Variants in NBAS observed in about 807,000 individuals in gnomAD.
The protein encoded by NBAS is NAG/BC035112 fusion.
A neutral mutation model predicts 302.5 loss-of-function variants in NBAS; 219 were observed. The ratio of observed to expected loss-of-function variants is 0.72; its 90% CI spans 0.65 to 0.81. The LOEUF (loss-of-function observed/expected upper bound fraction) is 0.81. Among genes scored for constraint, NBAS ranks in the 30% least tolerant of loss-of-function variants. The pLI is 0.00. For missense variants in NBAS, 2,932 were observed against 2,841.6 expected (o/e 1.03, Z -0.72); for synonymous variants, 1,118 against 1,021.6 (o/e 1.09, Z -1.80).
At chr2:15,369,910 GCTGTGCAATA>G (rs1331902464) in intron 31 of NBAS, among the ~76,000 whole-genome samples, 1 of 152,122 alleles carries the variant, frequency 6.6e-6, no homozygotes, top group African/African-American at 2.4e-5. Flanking sequence ...TCAAAAGATA[GCTGTGCAATA>G]TCAATTGCAG....
intron 14 of NBAS, among the ~76,000 whole-genome samples, chr2:15,475,396 G>C (rs1314213708): frequency 6.6e-6 from 1 of 152,032 alleles, no homozygotes; most frequent in Admixed American, 6.6e-5. Context: ...CTTAGGTACT[G>C]ATACCATTCT....
At chr2:14,867,662 T>C in the NBAS span, among the ~76,000 whole-genome samples, 1 of 152,196 alleles carries the variant, frequency 6.6e-6, no homozygotes, top group African/African-American at 2.4e-5. Context: ...ATCATGCACA[T>C]GATTGTTGTA....
chr2:15,011,484 C>T, the NBAS span, among the ~76,000 whole-genome samples: 1 of 152,164 alleles, frequency 6.6e-6, no homozygotes, highest in South Asian at 2.1e-4. Context: ...GAAACAGACC[C>T]ATGGGCCATC....
chr2:15,125,233 G>A, the NBAS span, among the ~76,000 whole-genome samples: 2 of 152,316 alleles, frequency 1.3e-5, no homozygotes, highest in Non-Finnish European at 2.9e-5. Flanking sequence ...AAGAAAAGAA[G>A]TTTAATTGGC....
the NBAS span, among the ~76,000 whole-genome samples, chr2:14,973,491 G>A: frequency 6.6e-6 from 1 of 152,136 alleles, no homozygotes; most frequent in Non-Finnish European, 1.5e-5. Context: ...GCTTTTGATA[G>A]ATATAAGTAA....
chr2:15,277,352 G>C (rs868262635), intron 42 of NBAS, among the ~76,000 whole-genome samples: 1 of 152,172 alleles, frequency 6.6e-6, no homozygotes, highest in Non-Finnish European at 1.5e-5. Flanking sequence ...CTGTGAAGTA[G>C]CTTTAACTTC....
chr2:14,952,091 T>C, the NBAS span, among the ~76,000 whole-genome samples: 1 of 152,178 alleles, frequency 6.6e-6, no homozygotes, highest in Non-Finnish European at 1.5e-5. Flanking sequence ...GAAAGGACCC[T>C]GCCTCCCCCT....
At chr2:15,521,909 T>C (rs906104552) in intron 9 of NBAS, among the ~76,000 whole-genome samples, 1 of 152,182 alleles carries the variant, frequency 6.6e-6, no homozygotes, top group East Asian at 1.9e-4. Context: ...AGTTTAGTAG[T>C]TATAGCAGAG....
rs1671172161 is a variant in NBAS at position 15,309,261 on chromosome 2, A to C, written c.4583-14T>G. 6.2e-7 allele frequency: 1 copy of C among 1,603,386 alleles called. No homozygotes were observed. The highest frequency in any genetic ancestry group is 1.3e-5 in the African/African-American group (1 of 74,712). ...GTTGCAAGAGAACTGAATGCAGAAA[A>C]AGAAACATTATTTTACTGAGGTTGC... On this transcript the variant is annotated splice_polypyrimidine_tract_variant and intron_variant, in intron 38 of 51. Transcript: ENST00000281513.
intron 9 of NBAS, among the ~76,000 whole-genome samples, chr2:15,528,274 T>C (rs1373062388): frequency 6.6e-6 from 1 of 151,922 alleles, no homozygotes; most frequent in East Asian, 1.9e-4. Context: ...AGCTCCTTTA[T>C]CTGGACCCCC....
the NBAS span, among the ~76,000 whole-genome samples, chr2:15,120,060 C>G: frequency 6.6e-6 from 1 of 152,114 alleles, no homozygotes; most frequent in Non-Finnish European, 1.5e-5. Flanking sequence ...AAAAATATTC[C>G]AAACCAAATG....
At chr2:15,408,729 T>TCAG (rs1404726816) in intron 25 of NBAS, among the ~76,000 whole-genome samples, 1 of 152,196 alleles carries the variant, frequency 6.6e-6, no homozygotes, top group Non-Finnish European at 1.5e-5. Flanking sequence ...CCCTAATGCA[T>TCAG]CAGTAAATAA....
chr2:14,834,311 T>C, the NBAS span, among the ~76,000 whole-genome samples: 1,089 of 152,282 alleles, frequency 7.2e-3, 11 homozygotes, highest in African/African-American at 0.025. Flanking sequence ...TGCTGTGGAA[T>C]CACATTTATA....
the NBAS span, among the ~76,000 whole-genome samples, chr2:14,885,803 T>C: frequency 5.9e-5 from 9 of 152,124 alleles, no homozygotes; most frequent in African/African-American, 2.2e-4. Flanking sequence ...GGTAAGGAGA[T>C]GACAATGTTT....
chr2:15,518,559 T>C (rs1449481443), intron 9 of NBAS, among the ~76,000 whole-genome samples: 1 of 152,066 alleles, frequency 6.6e-6, no homozygotes, highest in African/African-American at 2.4e-5. Flanking sequence ...ACAAATTAAA[T>C]CCTCTACACT....
intron 40 of NBAS, among the ~76,000 whole-genome samples, chr2:15,295,133 T>A (rs1369549292): frequency 6.6e-6 from 1 of 152,228 alleles, no homozygotes; most frequent in African/African-American, 2.4e-5. Context: ...ACACTTCTCA[T>A]TAGCCTCAAT....
intron 42 of NBAS, among the ~76,000 whole-genome samples, chr2:15,281,876 C>A (rs1455380816): frequency 6.6e-6 from 1 of 152,140 alleles, no homozygotes; most frequent in African/African-American, 2.4e-5. Flanking sequence ...ATGAAGGTTA[C>A]AAGTTACAGA....
intron 42 of NBAS, among the ~76,000 whole-genome samples, chr2:15,286,272 A>G (rs1406313189): frequency 6.6e-6 from 1 of 152,210 alleles, no homozygotes; most frequent in African/African-American, 2.4e-5. Context: ...TGGTCTACAT[A>G]TGTCCACCCT....
At chr2:15,207,180 T>C (rs905343081) in intron 48 of NBAS, among the ~76,000 whole-genome samples, 6 of 152,182 alleles carry the variant, frequency 3.9e-5, no homozygotes, top group Admixed American at 3.9e-4. Context: ...GAGCCCTGGA[T>C]ATGAGACATG....
Sources: gnomAD v4.1 joint callset for allele counts (sites outside exome capture counted in the v4.1 genomes callset) on GRCh38, gnomAD v4.1.1 for gene constraint, MANE v1.5 for transcripts, NCBI Gene and HGNC (gene_info 2026-07-23, HGNC 2026-07-21) for gene names.